Variants in WWOX observed in about 807,000 individuals in gnomAD.
WWOX encodes WW domain containing oxidoreductase.
A neutral mutation model predicts 46.2 loss-of-function variants in WWOX; 69 were observed. The observed-to-expected ratio is 1.49, with a 90% CI of 1.23 to 1.82. WWOX has a LOEUF of 1.82. Ranked by LOEUF, WWOX falls within the 40% of genes most tolerant of loss-of-function variation. The pLI, the probability that WWOX is intolerant of heterozygous loss-of-function variation, is 0.00. For missense variants in WWOX, 919 were observed against 542.6 expected (o/e 1.69, Z -6.89); for synonymous variants, 359 against 202.6 (o/e 1.77, Z -6.56).
At chr16:78,600,478 C>T (rs542299902) in intron 8 of WWOX, among the ~76,000 whole-genome samples, 183 of 152,068 alleles carry the variant, frequency 1.2e-3, no homozygotes, top group Non-Finnish European at 2.4e-3. Flanking sequence ...TCTTTTCTTT[C>T]CCCCCAACCC....
At chr16:79,137,970 T>A (rs1404329145) in intron 8 of WWOX, among the ~76,000 whole-genome samples, 1 of 152,114 alleles carries the variant, frequency 6.6e-6, no homozygotes, top group African/African-American at 2.4e-5. Flanking sequence ...GTAAAAATAA[T>A]TCTAGATGAA....
intron 5 of WWOX, among the ~76,000 whole-genome samples, chr16:78,374,809 C>T (rs1016400945): frequency 6.6e-6 from 1 of 152,160 alleles, no homozygotes; most frequent in South Asian, 2.1e-4. Flanking sequence ...CTCGGCCTCC[C>T]AAAGTGCTAA....
intron 6 of WWOX, among the ~76,000 whole-genome samples, chr16:78,405,380 A>G (rs766019071): frequency 6.6e-6 from 1 of 152,232 alleles, no homozygotes; most frequent in Non-Finnish European, 1.5e-5. Context: ...TTCCCAGTTA[A>G]TTATTATTTT....
At chr16:78,609,435 C>A (rs1473168196) in intron 8 of WWOX, among the ~76,000 whole-genome samples, 1 of 151,472 alleles carries the variant, frequency 6.6e-6, no homozygotes, top group Non-Finnish European at 1.5e-5. Context: ...AAGCGATAGT[C>A]CTATTTTCTA....
At chr16:78,418,289 G>A (rs559407385) in intron 6 of WWOX, among the ~76,000 whole-genome samples, 4 of 151,970 alleles carry the variant, frequency 2.6e-5, no homozygotes, top group Admixed American at 6.6e-5. Context: ...GCGTGAACCC[G>A]GGAGGTGGAG....
At chr16:78,581,172 T>C (rs2045042967) in intron 8 of WWOX, among the ~76,000 whole-genome samples, 1 of 152,180 alleles carries the variant, frequency 6.6e-6, no homozygotes, top group South Asian at 2.1e-4. Flanking sequence ...TTTAAAAATA[T>C]TTACAATTCT....
intron 5 of WWOX, among the ~76,000 whole-genome samples, chr16:78,313,975 G>C (rs2080302807): frequency 6.6e-6 from 1 of 152,190 alleles, no homozygotes; most frequent in South Asian, 2.1e-4. Context: ...ACCAGGTCGA[G>C]TCGAAATCCT....
At chr16:78,945,878 G>A (rs913956709) in intron 8 of WWOX, among the ~76,000 whole-genome samples, 1 of 152,032 alleles carries the variant, frequency 6.6e-6, no homozygotes, top group Non-Finnish European at 1.5e-5. Flanking sequence ...GCCAGTCCTG[G>A]CTCTTCCTTT....
chr16:78,513,198 G>T (rs989836781), intron 8 of WWOX, among the ~76,000 whole-genome samples: 5 of 152,156 alleles, frequency 3.3e-5, no homozygotes, highest in African/African-American at 1.2e-4. Flanking sequence ...AAGGAGACAG[G>T]ATATGAATTG....
intron 8 of WWOX, among the ~76,000 whole-genome samples, chr16:78,550,268 C>G (rs1369521456): frequency 2.6e-5 from 4 of 152,200 alleles, no homozygotes; most frequent in African/African-American, 9.6e-5. Context: ...AATTTTGAGT[C>G]TAGAACAGCA....
intron 8 of WWOX, among the ~76,000 whole-genome samples, chr16:78,800,257 A>T (rs557491067): frequency 1.3e-5 from 2 of 152,100 alleles, no homozygotes; most frequent in South Asian, 4.2e-4. Context: ...CAAAAAAAAA[A>T]AGTCGAGCTT....
chr16:78,606,186 C>T (rs2045752081), intron 8 of WWOX, among the ~76,000 whole-genome samples: 1 of 152,188 alleles, frequency 6.6e-6, no homozygotes. Context: ...ATTATTAAAA[C>T]TTAATATAAT....
At chr16:78,208,386 C>A (rs973690862) in intron 5 of WWOX, among the ~76,000 whole-genome samples, 1 of 152,100 alleles carries the variant, frequency 6.6e-6, no homozygotes, top group Non-Finnish European at 1.5e-5. Flanking sequence ...TAAAAACATA[C>A]CGTTACATAT....
chr16:78,174,310 A>C lies in WWOX; in HGVS notation c.516+10021A>C, dbSNP rs562196315. On this transcript the variant is annotated intron_variant, in intron 5 of 8. Coordinates refer to ENST00000566780, the MANE Select transcript of WWOX (RefSeq NM_016373.4). ...AAGCAAAAGCAGAAACTGCCTGATAAACCCATCAGATCTCTTGAGACTTAT... is the reference window on the plus strand; with the variant it reads ...AAGCAAAAGCAGAAACTGCCTGATACACCCATCAGATCTCTTGAGACTTAT... Among the ~76,000 whole-genome samples, 11 of 152,336 alleles carry C rather than the reference A, an allele frequency of 7.2e-5. 1 individual carries two copies. In the East Asian group the frequency reaches 1.4e-3, roughly 19 times the overall value.
At chr16:78,681,615 G>C (rs959687489) in intron 8 of WWOX, among the ~76,000 whole-genome samples, 22 of 151,898 alleles carry the variant, frequency 1.4e-4, no homozygotes, top group South Asian at 4.2e-4. Flanking sequence ...AGAATCTCTA[G>C]GGACAGACCG....
intron 5 of WWOX, among the ~76,000 whole-genome samples, chr16:78,293,978 G>GAAA (rs35079271): frequency 0.11 from 3,426 of 30,040 alleles, 342 homozygotes; most frequent in East Asian, 0.2. Flanking sequence ...CTCTGTCTCA[G>GAAA]AAAAAAAAAA....
intron 6 of WWOX, among the ~76,000 whole-genome samples, chr16:78,422,762 TATATATACAC>T (rs1247550973): frequency 4.5e-5 from 5 of 111,968 alleles, no homozygotes; most frequent in African/African-American, 1.7e-4. Flanking sequence ...TATATACACA[TATATATACAC>T]ACATATATAT....
At chr16:78,847,120 C>A (rs944994205) in intron 8 of WWOX, among the ~76,000 whole-genome samples, 3 of 152,256 alleles carry the variant, frequency 2.0e-5, no homozygotes, top group South Asian at 2.1e-4. Flanking sequence ...GACTTCCCTG[C>A]CTCAGTCTTG....
intron 8 of WWOX, among the ~76,000 whole-genome samples, chr16:78,815,046 C>G (rs562669450): frequency 1.3e-5 from 2 of 152,296 alleles, no homozygotes; most frequent in Admixed American, 1.3e-4. Context: ...TCGTCCAGGC[C>G]GGGCACAGTG....
Sources: allele counts gnomAD v4.1 joint callset (sites outside exome capture counted in the v4.1 genomes callset), GRCh38; gene constraint gnomAD v4.1.1; transcripts MANE v1.5; gene names NCBI Gene and HGNC (gene_info 2026-07-23, HGNC 2026-07-21).